The following MACROD2 variants were observed in gnomAD, a reference collection of about 807,000 sequenced individuals.
The protein encoded by MACROD2 is ADP-ribose glycohydrolase MACROD2.
Under a neutral mutation model 70.4 loss-of-function variants are expected in MACROD2, and 36 were observed. That is an observed-to-expected ratio of 0.51 (90% confidence interval 0.39 to 0.68). The LOEUF is 0.68. MACROD2 is among the 30% of genes least tolerant of loss of function. MACROD2 has a pLI of 0.00. For missense variants in MACROD2, 496 were observed against 538.4 expected (o/e 0.92, Z 0.78); for synonymous variants, 172 against 178.8 (o/e 0.96, Z 0.30).
chr20:15,228,674 G>C (rs756911441), intron 5 of MACROD2, among the ~76,000 whole-genome samples: 25 of 151,698 alleles, frequency 1.6e-4, no homozygotes, highest in Non-Finnish European at 3.2e-4. Context: ...ATTTTTAGTA[G>C]AGATGGGATT....
At chr20:14,784,666 A>AGG (rs2072342637) in intron 5 of MACROD2, among the ~76,000 whole-genome samples, 1 of 10,826 alleles carries the variant, frequency 9.2e-5, no homozygotes, top group African/African-American at 4.2e-4. Flanking sequence ...TGGTGTTTTA[A>AGG]GTGGGGGGGG....
At chr20:15,359,051 C>T (rs1240227934) in intron 6 of MACROD2, among the ~76,000 whole-genome samples, 1 of 152,016 alleles carries the variant, frequency 6.6e-6, no homozygotes, top group Non-Finnish European at 1.5e-5. Context: ...ATGTTAGGGG[C>T]CTACGGAAGT....
At chr20:15,032,340 C>T (rs2123000887) in intron 5 of MACROD2, among the ~76,000 whole-genome samples, 1 of 152,348 alleles carries the variant, frequency 6.6e-6, no homozygotes, top group South Asian at 2.1e-4. Flanking sequence ...GTCGGCTCCG[C>T]ACGCTGCCCT....
intron 3 of MACROD2, among the ~76,000 whole-genome samples, chr20:14,203,742 A>T (rs1264143617): frequency 6.6e-6 from 1 of 152,220 alleles, no homozygotes; most frequent in Non-Finnish European, 1.5e-5. Flanking sequence ...CAGGAATGCC[A>T]GGTGGGCTGG....
intron 8 of MACROD2, among the ~76,000 whole-genome samples, chr20:15,612,714 G>A (rs752184586): frequency 6.6e-6 from 1 of 152,220 alleles, no homozygotes; most frequent in Non-Finnish European, 1.5e-5. Flanking sequence ...TTGTTTTCTT[G>A]TAGTCGTTTT....
intron 2 of MACROD2, among the ~76,000 whole-genome samples, chr20:14,027,586 A>G (rs576148368): frequency 1.3e-5 from 2 of 151,838 alleles, no homozygotes; most frequent in South Asian, 4.2e-4. Flanking sequence ...GTTTTTCCTC[A>G]TCTTCGTGAT....
At chr20:14,253,918 A>T (rs2082032017) in intron 3 of MACROD2, among the ~76,000 whole-genome samples, 1 of 152,172 alleles carries the variant, frequency 6.6e-6, no homozygotes, top group South Asian at 2.1e-4. Context: ...AATTAGAATA[A>T]ATGTAAAACA....
At chr20:14,188,223 G>A (rs1049127608) in intron 3 of MACROD2, among the ~76,000 whole-genome samples, 16 of 151,936 alleles carry the variant, frequency 1.1e-4, no homozygotes, top group African/African-American at 3.9e-4. Context: ...CAGAATTCTG[G>A]GGCTAAATCC....
chr20:15,612,408 T>C (rs1310485333), intron 8 of MACROD2, among the ~76,000 whole-genome samples: 1 of 152,254 alleles, frequency 6.6e-6, no homozygotes, highest in Non-Finnish European at 1.5e-5. Context: ...CTTTGCATAA[T>C]GCACATTACA....
Position 14,744,645 on chromosome 20 carries a change from A to AC in MACROD2, c.418+59687dup, listed in dbSNP as rs1468682959. Among the ~76,000 whole-genome samples the AC allele has an allele frequency of 5.3e-5, 8 of 152,304 alleles. No individual in the cohort carries two copies. The East Asian group carries it at 1.5e-3, about 29-fold the overall frequency. ...AGCTCTGGGTTTTACCAGATAACTT[A>AC]CTTTGGCTGATAGAACAGTGTCAAA... On this transcript the variant is annotated intron_variant, in intron 5 of 17. Coordinates refer to ENST00000684519, the MANE Select transcript of MACROD2 (RefSeq NM_001351661.2).
At chr20:15,777,708 G>A (rs951780244) in intron 8 of MACROD2, among the ~76,000 whole-genome samples, 1 of 150,506 alleles carries the variant, frequency 6.6e-6, no homozygotes. Context: ...GCAGTGGCAC[G>A]ATCTTGGCTT....
At chr20:15,233,074 C>A (rs1048215986) in intron 6 of MACROD2, among the ~76,000 whole-genome samples, 8 of 151,864 alleles carry the variant, frequency 5.3e-5, no homozygotes, top group African/African-American at 1.9e-4. Context: ...ACAAGATCAT[C>A]ATGTCCACTG....
rs538351637 is a variant in MACROD2 at position 14,717,578 on chromosome 20, T to C, written c.418+32619T>C. On this transcript the variant is annotated intron_variant, in intron 5 of 17. Coordinates refer to ENST00000684519, the MANE Select transcript of MACROD2 (RefSeq NM_001351661.2). Reference sequence around the variant, plus strand: ...AACATTTCCAAACAACTTTAAAATATAGTTATTCATTAACCGACTTGTGAC... The same window carrying C: ...AACATTTCCAAACAACTTTAAAATACAGTTATTCATTAACCGACTTGTGAC... Among the ~76,000 whole-genome samples, 41 of 151,676 alleles carry C rather than the reference T, an allele frequency of 2.7e-4. No individual in the cohort carries two copies. The South Asian group carries it at 8.5e-3, about 32-fold the overall frequency.
chr20:14,379,612 T>A (rs1392185699), intron 3 of MACROD2, among the ~76,000 whole-genome samples: 1 of 152,122 alleles, frequency 6.6e-6, no homozygotes, highest in African/African-American at 2.4e-5. Context: ...TAATTCCCCA[T>A]TTTTACCTTA....
At chr20:14,495,453 A>T (rs1052351983) in intron 4 of MACROD2, among the ~76,000 whole-genome samples, 1 of 152,198 alleles carries the variant, frequency 6.6e-6, no homozygotes, top group Middle Eastern at 3.2e-3. Context: ...ATTGTCTTTG[A>T]ATCTGGACAG....
intron 8 of MACROD2, among the ~76,000 whole-genome samples, chr20:15,724,395 T>C (rs1273079336): frequency 2.0e-5 from 3 of 152,228 alleles, no homozygotes; most frequent in Admixed American, 6.5e-5. Flanking sequence ...AAGAGTCTTA[T>C]AGTTTCACAT....
intron 13 of MACROD2, among the ~76,000 whole-genome samples, chr20:15,979,610 G>GT (rs1389236485): frequency 6.6e-6 from 1 of 152,072 alleles, no homozygotes; most frequent in African/African-American, 2.4e-5. Context: ...GCTCTAGAAT[G>GT]TTTTTTAAAA....
At chr20:15,817,652 G>C (rs2063891519) in intron 8 of MACROD2, among the ~76,000 whole-genome samples, 1 of 151,962 alleles carries the variant, frequency 6.6e-6, no homozygotes, top group Middle Eastern at 3.2e-3. Context: ...CTTAATCCCT[G>C]GTGCCAGTAT....
At chr20:15,173,940 G>A (rs915746261) in intron 5 of MACROD2, among the ~76,000 whole-genome samples, 1 of 152,074 alleles carries the variant, frequency 6.6e-6, no homozygotes, top group African/African-American at 2.4e-5. Flanking sequence ...GAGATAAAAT[G>A]TTTTGTTCAT....
Sources: allele counts gnomAD v4.1 joint callset (sites outside exome capture counted in the v4.1 genomes callset), GRCh38; gene constraint gnomAD v4.1.1; transcripts MANE v1.5; gene names NCBI Gene and HGNC (gene_info 2026-07-23, HGNC 2026-07-21).